POLR3E: variants seen among roughly 807,000 people sequenced by gnomAD.
POLR3E encodes the protein RNA polymerase III subunit E.
POLR3E carries 41 observed loss-of-function variants against 96.6 expected under a neutral mutation model. That is an observed-to-expected ratio of 0.42 (90% confidence interval 0.33 to 0.55). The LOEUF is 0.55. Among genes scored for constraint, POLR3E ranks in the 20% least tolerant of loss-of-function variants. The pLI, the probability that POLR3E is intolerant of heterozygous loss-of-function variation, is 0.06. For synonymous variants in POLR3E, 396 were observed against 383.6 expected, an observed-to-expected ratio of 1.03 and a Z score of -0.38; for missense variants, 849 against 952.1, an observed-to-expected ratio of 0.89 and a Z score of 1.43.
chr16:22,314,103 C>T lies in POLR3E; in HGVS notation c.497C>T (p.Ala166Val), dbSNP rs561708810. 219 of 1,613,838 alleles carry T rather than the reference C, an allele frequency of 1.4e-4. No individual in the cohort carries two copies. The highest frequency in any genetic ancestry group is 5.1e-4 in the South Asian group (46 of 91,056). Residue 166 changes from alanine to valine, a missense_variant, in exon 8 of 21, where the codon GCG (alanine) becomes GTG (valine). Coordinates refer to ENST00000299853, the MANE Select transcript of POLR3E (RefSeq NM_018119.4). ...NEAGDSSQDE[A>V]EDDVKQITVR... ...GCAGGGGACTCTTCACAGGATGAGG[C>T]GGAAGACGATGTTAAGCAGATCACG...
rs1009445429 is a variant in POLR3E at position 22,312,446 on chromosome 16, G to A, written c.365-1174G>A. Among the ~76,000 whole-genome samples the A allele has an allele frequency of 4.6e-5, 7 of 152,050 alleles. No individual in the cohort carries two copies. The East Asian group carries it at 7.7e-4, about 17-fold the overall frequency. ...CAGGAGGCGGAGGTTGCAGTAAGCC[G>A]AGATCGCACCACTGAATATCCTGGG... On this transcript the variant is annotated intron_variant, in intron 6 of 20. Coordinates refer to ENST00000299853, the MANE Select transcript of POLR3E (RefSeq NM_018119.4).
At chr16:22,306,308 G>A (rs763043435) in intron 3 of POLR3E, among the ~76,000 whole-genome samples, 7 of 152,130 alleles carry the variant, frequency 4.6e-5, no homozygotes, top group Non-Finnish European at 5.9e-5. Flanking sequence ...GCCCAGGCTG[G>A]AGTGCAGTGG....
At chr16:22,309,637 C>T in intron 6 of POLR3E, 127 bp downstream of exon 6, 1 of 759,594 alleles carries the variant, frequency 1.3e-6, no homozygotes, top group Non-Finnish European at 2.3e-6. Flanking sequence ...GGGGGCCGGG[C>T]AGGTGTGGAA....
intron 1 of POLR3E, among the ~76,000 whole-genome samples, chr16:22,300,009 C>T (rs1489963289): frequency 6.6e-6 from 1 of 152,178 alleles, no homozygotes; most frequent in South Asian, 2.1e-4. Context: ...GCCACCATGC[C>T]AGCCTGATTT....
At chr16:22,328,877 G>A (rs763797715) in intron 19 of POLR3E, 2 of 345,870 alleles carry the variant, frequency 5.8e-6, no homozygotes, top group South Asian at 5.0e-5. Flanking sequence ...TGTAATCCCA[G>A]CACTTTGGGA....
chr16:22,299,001 T>C lies in POLR3E; in HGVS notation c.-39+1464T>C, dbSNP rs776870064. Reference sequence around the variant, plus strand: ...AGCCTTCATGGAGCTTACGTTCTATTGCAGAAGACAAACAACACCTGAGCA... The same window carrying C: ...AGCCTTCATGGAGCTTACGTTCTATCGCAGAAGACAAACAACACCTGAGCA... On this transcript the variant is annotated intron_variant, in intron 1 of 20. Coordinates refer to ENST00000299853, the MANE Select transcript of POLR3E (RefSeq NM_018119.4). 6.1e-5 allele frequency: 28 copies of C among 455,910 alleles called. 3 individuals are homozygous for C. Among genetic ancestry groups the C allele is most frequent in the South Asian group, 4.3e-4 (28 of 64,560 alleles). 28.2% of individuals were successfully genotyped at this position (455,910 alleles called of 1,614,324 possible).
rs2048406849 is a variant in POLR3E, at chr16:22,318,597, C to G, written c.866-229C>G. On this transcript the variant is annotated intron_variant, in intron 12 of 20. Coordinates refer to ENST00000299853, the MANE Select transcript of POLR3E (RefSeq NM_018119.4). The surrounding 1 kb of genome is among the most constrained non-coding windows in gnomAD (Gnocchi z 5.0). The stretch of plus-strand genomic sequence containing the variant: ...CTTCCTCCTGAGGCACCCCTCAAGT[C>G]TTCCTTAAGGGGCACTTCATATAAT... Among the ~76,000 whole-genome samples the G allele has an allele frequency of 2.0e-5, 3 of 152,200 alleles. No homozygotes were observed. The highest frequency in any genetic ancestry group is 7.2e-5 in the African/African-American group (3 of 41,448).
At chr16:22,327,018 C>A (rs1207722165) in intron 18 of POLR3E, 1 of 152,662 alleles carries the variant, frequency 6.6e-6, no homozygotes, top group African/African-American at 2.4e-5. Flanking sequence ...TTGCTGGGGA[C>A]CGTTTCCCTG....
intron 20 of POLR3E, 101 bp downstream of exon 20, chr16:22,332,286 T>G: frequency 9.3e-7 from 1 of 1,080,712 alleles, no homozygotes. Flanking sequence ...GAAATCAGGC[T>G]TCCTTGGGAC....
intron 1 of POLR3E, chr16:22,298,849 C>T (rs747123460): frequency 5.2e-6 from 2 of 387,666 alleles, no homozygotes; most frequent in Non-Finnish European, 1.0e-5. Flanking sequence ...TCGTGCCAGG[C>T]ACTGTTCTAG....
At chr16:22,304,718 GGGC>G (rs2048099060) in intron 2 of POLR3E, among the ~76,000 whole-genome samples, 1 of 152,170 alleles carries the variant, frequency 6.6e-6, no homozygotes, top group African/African-American at 2.4e-5. Flanking sequence ...CAGTCACAAA[GGGC>G]CTTGCAGACC....
chr16:22,329,710 A>G (rs1281572025), intron 19 of POLR3E, among the ~76,000 whole-genome samples: 1 of 152,238 alleles, frequency 6.6e-6, no homozygotes, highest in African/African-American at 2.4e-5. Flanking sequence ...GCAGATTTTT[A>G]AACATCAAAT....
chr16:22,309,552 G>A (rs75144133), intron 6 of POLR3E, 42 bp downstream of exon 6: 20 of 1,375,778 alleles, frequency 1.5e-5, no homozygotes, highest in East Asian at 6.9e-5. Context: ...CATGGCATTG[G>A]GGGGGGCTGG....
chr16:22,303,046 A>G lies in POLR3E; in HGVS notation c.36+42A>G, dbSNP rs751656775. On this transcript the variant is annotated intron_variant, in intron 2 of 20. Coordinates refer to ENST00000299853, the MANE Select transcript of POLR3E (RefSeq NM_018119.4). ...GTCCCCTGCCGCCGGGGCTACAGGCAGTGGAATTGGGTCCTTTCCATGTGT... is the reference window on the plus strand; with the variant it reads ...GTCCCCTGCCGCCGGGGCTACAGGCGGTGGAATTGGGTCCTTTCCATGTGT... 3.2e-6 allele frequency: 5 copies of G among 1,586,162 alleles called. No homozygotes were observed. The African/African-American group carries it at 6.7e-5, about 21-fold the overall frequency.
At chr16:22,329,136 G>C (rs556520460) in intron 19 of POLR3E, 1 of 157,660 alleles carries the variant, frequency 6.3e-6, no homozygotes, top group Non-Finnish European at 1.4e-5. Context: ...GTAGGTATGC[G>C]GTACTGTCCT....
At chr16:22,298,546 A>C (rs2047949275) in intron 1 of POLR3E, among the ~76,000 whole-genome samples, 1 of 152,186 alleles carries the variant, frequency 6.6e-6, no homozygotes, top group South Asian at 2.1e-4. Flanking sequence ...ACAGATGCCA[A>C]GCAGCTGTGG....
At chr16:22,298,826 TTGAG>T (rs2047961340) in intron 1 of POLR3E, 1 of 366,302 alleles carries the variant, frequency 2.7e-6, no homozygotes, top group African/African-American at 2.1e-5. Flanking sequence ...TTGTACTATA[TTGAG>T]TGTCAACTTC....
At chr16:22,332,622 A>G (rs1381254860) in intron 20 of POLR3E, among the ~76,000 whole-genome samples, 1 of 152,182 alleles carries the variant, frequency 6.6e-6, no homozygotes, top group East Asian at 1.9e-4. Context: ...GTCTTCTAAA[A>G]TGATAGGGCC....
rs908980812 is a variant in POLR3E, at chr16:22,322,250, C to T, written c.987-600C>T. ...ACAGGTGCCGCAGCAGGGGCTGAGC[C>T]GGGGTTGCAGGGCCTGTGGCTGGAG... is the stretch of plus-strand genomic sequence containing the variant. On this transcript the variant is annotated intron_variant, in intron 13 of 20. Coordinates refer to ENST00000299853, the MANE Select transcript of POLR3E (RefSeq NM_018119.4). The surrounding 1 kb of genome is among the most constrained non-coding windows in gnomAD (Gnocchi z 5.2). Among the ~76,000 whole-genome samples the T allele has an allele frequency of 6.6e-6, 1 of 152,090 alleles. No homozygotes were observed. Among genetic ancestry groups the T allele is most frequent in the East Asian group, 1.9e-4 (1 of 5,184 alleles).
Sources: gnomAD v4.1 joint callset for allele counts (sites outside exome capture counted in the v4.1 genomes callset) on GRCh38, gnomAD v4.1.1 for gene constraint, Gnocchi (gnomAD v3.1) non-coding constraint, MANE v1.5 for transcripts, NCBI Gene and HGNC (gene_info 2026-07-23, HGNC 2026-07-21) for gene names.